CAPN5: variants seen among roughly 807,000 people sequenced by gnomAD.
CAPN5 encodes the protein calpain-5.
In CAPN5, 54 loss-of-function variants were observed where a neutral mutation model predicts 73.0. The observed-to-expected ratio is 0.74, with a 90% CI of 0.59 to 0.93. The LOEUF (loss-of-function observed/expected upper bound fraction) is 0.93. Ranked by LOEUF, CAPN5 falls within the 40% of genes least tolerant of loss-of-function variation. The probability of loss-of-function intolerance (pLI) is 0.00; values close to 1 mark genes in which losing one functional copy is unlikely to be tolerated. For missense variants in CAPN5, 785 were observed against 882.9 expected (o/e 0.89, Z 1.41); for synonymous variants, 335 against 356.9 (o/e 0.94, Z 0.69).
chr11:77,093,603 GTGTCTGTCA>G, intron 2 of CAPN5, 70 bp from the exon 3 acceptor site: 4 of 1,187,084 alleles, frequency 3.4e-6, no homozygotes, highest in South Asian at 3.0e-5. Flanking sequence ...TGTCACGTCT[GTGTCTGTCA>G]TGTCTCCTGC....
intron 1 of CAPN5, among the ~76,000 whole-genome samples, chr11:77,069,339 G>A (rs1949878234): frequency 6.6e-6 from 1 of 152,138 alleles, no homozygotes; most frequent in African/African-American, 2.4e-5. Context: ...CTGGCAATCA[G>A]CATCACTTAG....
chr11:77,123,812 A>C lies in CAPN5; in HGVS notation c.1865A>C (p.Asn622Thr). 1 of 1,613,824 alleles carries C rather than the reference A, an allele frequency of 6.2e-7. No homozygotes were observed. The highest frequency in any genetic ancestry group is 8.5e-7 in the Non-Finnish European group (1 of 1,180,000). Reference protein sequence around the residue: ...LRDRNSRQPSNLPGTVAVHIL... With the variant: ...LRDRNSRQPSTLPGTVAVHIL... ...GACCGAAATAGCCGGCAGCCCAGCA[A>C]CCTGCCAGGCACTGTGGCCGTGCAC... The change falls in exon 13 of 13, where the codon AAC becomes ACC. Residue 622 changes from asparagine to threonine, a missense_variant. Transcript: ENST00000648180.
At chr11:77,111,897 C>G (rs1000940577) in intron 3 of CAPN5, among the ~76,000 whole-genome samples, 11 of 151,284 alleles carry the variant, frequency 7.3e-5, no homozygotes, top group African/African-American at 2.7e-4. Context: ...TGGAAGTCTA[C>G]TGAGTAATGA....
chr11:77,089,280 C>T (rs1555036102), intron 2 of CAPN5, among the ~76,000 whole-genome samples: 4 of 152,236 alleles, frequency 2.6e-5, no homozygotes, highest in African/African-American at 9.6e-5. Flanking sequence ...CCCTCCTGAA[C>T]CTCCCTGCTT....
chr11:77,106,707 G>A (rs1482036964), intron 3 of CAPN5, among the ~76,000 whole-genome samples: 3 of 152,220 alleles, frequency 2.0e-5, no homozygotes, highest in Non-Finnish European at 4.4e-5. Context: ...TTTGCCCATG[G>A]TTACTGCCCC....
chr11:77,122,479 A>G (rs1262280805), intron 11 of CAPN5, 97 bp from the exon 12 acceptor site: 8 of 1,069,750 alleles, frequency 7.5e-6, no homozygotes, highest in Non-Finnish European at 1.1e-5. Context: ...CTCCATCTGA[A>G]TAACTGAGCC....
intron 1 of CAPN5, among the ~76,000 whole-genome samples, chr11:77,078,469 T>C (rs1339566280): frequency 1.3e-5 from 2 of 152,202 alleles, no homozygotes; most frequent in Non-Finnish European, 2.9e-5. Flanking sequence ...TACTATAGCT[T>C]TGTAGTATAT....
intron 1 of CAPN5, among the ~76,000 whole-genome samples, chr11:77,083,264 T>C (rs1555034875): frequency 1.3e-5 from 2 of 152,126 alleles, no homozygotes; most frequent in Non-Finnish European, 2.9e-5. Flanking sequence ...GGGGGGACAA[T>C]GGCCCCCTTG....
rs571366019 is a variant in CAPN5 at position 77,118,359 on chromosome 11, G to A, written c.1167+7G>A. On this transcript the variant is annotated splice_region_variant and intron_variant, in intron 8 of 12. Coordinates refer to ENST00000648180, the MANE Select transcript of CAPN5 (RefSeq NM_004055.5). The stretch of plus-strand genomic sequence containing the variant: ...CTTCTTCCAGAACCCACAGGTGGGC[G>A]TTCTCAGGAACCCCCACCCTGCCCT... 1.9e-5 allele frequency: 29 copies of A among 1,562,322 alleles called. No homozygotes were observed. In the East Asian group the frequency reaches 3.1e-4, roughly 17 times the overall value.
rs397514601 is a variant in CAPN5 at position 77,115,423 on chromosome 11, G to A, written c.728G>A (p.Arg243His). The A allele has an allele frequency of 6.2e-6, 10 of 1,605,730 alleles. No homozygotes were observed. Among genetic ancestry groups the A allele is most frequent in the Middle Eastern group, 1.9e-4 (1 of 5,392 alleles). The change falls in exon 6 of 13, where the codon CGC becomes CAC. Residue 243 changes from arginine (R) to histidine (H), a missense_variant. Arg to His is a conservative substitution (Grantham distance 29, BLOSUM62 0). Coordinates refer to ENST00000648180, the MANE Select transcript of CAPN5 (RefSeq NM_004055.5). ...GTGACAGCAGCTGACATGGAGGCCC[G>A]CCTGGCGTGCGGCCTGGTAAAGGGC... is the stretch of plus-strand genomic sequence containing the variant. ...KAVTAADMEARLACGLVKGHA... is the reference protein window; with the variant it reads ...KAVTAADMEAHLACGLVKGHA...
At position 77,103,128 on chromosome 11, in the gene CAPN5, C is replaced by T. The variant is rs527302382; in HGVS notation, c.297+9315C>T. On this transcript the variant is annotated intron_variant, in intron 3 of 12. Transcript: ENST00000648180. ...GCCTGACCTCACCAACCTCATGACA[C>T]GCCAGCTGCTGGACCCCACTGCCAT... 19 of 1,613,744 alleles carry T rather than the reference C, an allele frequency of 1.2e-5. No individual in the cohort carries two copies. The highest frequency in any genetic ancestry group is 6.6e-5 in the South Asian group (6 of 91,078).
chr11:77,081,153 T>C lies in CAPN5; in HGVS notation c.-35-3699T>C, dbSNP rs150035007. 1.6e-3 allele frequency among the ~76,000 whole-genome samples: 249 copies of C among 152,312 alleles called. 1 individual carries two copies. The highest frequency in any genetic ancestry group is 5.8e-3 in the African/African-American group (239 of 41,562). ...GAGTCTGCAGCCTCTTATGCAGATC[T>C]CAAGCCTCCAGACTCCGTATCCTAG... On this transcript the variant is annotated intron_variant, in intron 1 of 12. Transcript: ENST00000648180.
At position 77,120,726 on chromosome 11, in the gene CAPN5, G is replaced by T. The variant is rs781926169; in HGVS notation, c.1304G>T (p.Arg435Leu). Residue 435 changes from arginine to leucine, a missense_variant, in exon 10 of 13, where the codon CGC becomes CTC. Arg to Leu is a moderately radical substitution (Grantham distance 102). Coordinates refer to ENST00000648180, the MANE Select transcript of CAPN5 (RefSeq NM_004055.5). The stretch of plus-strand genomic sequence containing the variant: ...CGCCTCCTGCAGGTGGAGGAGAACC[G>T]CCAGTACCGCATGCACAGCCTGCAG... ...GFDIYKVEENRQYRMHSLQHK... is the reference protein window; with the variant it reads ...GFDIYKVEENLQYRMHSLQHK... 4.4e-6 allele frequency: 7 copies of T among 1,608,718 alleles called. No individual in the cohort carries two copies. The South Asian group carries it at 7.7e-5, about 18-fold the overall frequency.
At chr11:77,102,959 G>T (rs201474715) in intron 3 of CAPN5, 2 of 1,613,172 alleles carry the variant, frequency 1.2e-6, no homozygotes, top group African/African-American at 2.7e-5. Flanking sequence ...AGAAGCGCCA[G>T]GATGGGGAGA....
intron 1 of CAPN5, among the ~76,000 whole-genome samples, chr11:77,067,834 C>A (rs528923133): frequency 6.6e-6 from 1 of 152,132 alleles, no homozygotes; most frequent in African/African-American, 2.4e-5. Flanking sequence ...GTTCTCTCTC[C>A]CAGTCATTTC....
chr11:77,101,988 C>T (rs1462764107), intron 3 of CAPN5, among the ~76,000 whole-genome samples: 1 of 152,216 alleles, frequency 6.6e-6, no homozygotes, highest in African/African-American at 2.4e-5. Context: ...CACAGCCAGC[C>T]ATCAGTGTCA....
Position 77,101,577 on chromosome 11 carries a change from T to C in CAPN5, c.297+7764T>C, listed in dbSNP as rs369491186. Among the ~76,000 whole-genome samples the C allele has an allele frequency of 7.9e-5, 12 of 152,320 alleles. No homozygotes were observed. The East Asian group carries it at 2.3e-3, about 29-fold the overall frequency. ...GGTATTCTGTCTCCCTTGGTGCCCC[T>C]CTGCTGTTCAGGTAGCCCAGGATCC... On this transcript the variant is annotated intron_variant, in intron 3 of 12. Transcript: ENST00000648180.
At chr11:77,077,585 G>A (rs894921307) in intron 1 of CAPN5, among the ~76,000 whole-genome samples, 7 of 151,144 alleles carry the variant, frequency 4.6e-5, no homozygotes, top group African/African-American at 1.2e-4. Context: ...GCTGGAGTGC[G>A]GTGGCGCGAT....
chr11:77,105,654 C>T (rs540310984), intron 3 of CAPN5, among the ~76,000 whole-genome samples: 1 of 152,208 alleles, frequency 6.6e-6, no homozygotes, highest in Non-Finnish European at 1.5e-5. Flanking sequence ...AGGCAGCTCC[C>T]AACCCCCTCC....
Sources: gnomAD v4.1 joint callset for allele counts (sites outside exome capture counted in the v4.1 genomes callset) on GRCh38, gnomAD v4.1.1 for gene constraint, MANE v1.5 for transcripts, NCBI Gene and HGNC (gene_info 2026-07-23, HGNC 2026-07-21) for gene names.